BRINP3: variants seen among roughly 807,000 people sequenced by gnomAD.
BRINP3 encodes the protein BMP/retinoic acid-inducible neural-specific protein 3.
A neutral mutation model predicts 71.0 loss-of-function variants in BRINP3; 19 were observed. That is an observed-to-expected ratio of 0.27 (90% CI 0.19 to 0.39). The LOEUF (loss-of-function observed/expected upper bound fraction) is 0.39. BRINP3 is among the 10% of genes least tolerant of loss of function. The pLI is 1.00. For synonymous variants in BRINP3, 380 were observed against 337.7 expected, an observed-to-expected ratio of 1.13 and a Z score of -1.37; for missense variants, 959 against 940.8, an observed-to-expected ratio of 1.02 and a Z score of -0.25.
chr1:190,118,505 G>A (rs1185257173), intron 7 of BRINP3, among the ~76,000 whole-genome samples: 4 of 152,012 alleles, frequency 2.6e-5, no homozygotes, highest in South Asian at 2.1e-4. Context: ...ATTAACTCAC[G>A]TCTCGCCTTT....
chr1:190,237,928 C>T (rs1558095556), intron 4 of BRINP3, among the ~76,000 whole-genome samples: 1 of 152,008 alleles, frequency 6.6e-6, no homozygotes, highest in Non-Finnish European at 1.5e-5. Flanking sequence ...TACATCTCAT[C>T]TGGACAACTA....
intron 2 of BRINP3, among the ~76,000 whole-genome samples, chr1:190,349,618 A>C (rs2102037529): frequency 6.6e-6 from 1 of 152,244 alleles, no homozygotes; most frequent in Admixed American, 6.5e-5. Context: ...TAGAATTTAT[A>C]ACAGCACAGT....
At chr1:190,234,637 C>T (rs374651130) in intron 4 of BRINP3, among the ~76,000 whole-genome samples, 160 bp from the exon 5 acceptor site, 45 of 152,230 alleles carry the variant, frequency 3.0e-4, no homozygotes, top group East Asian at 1.2e-3. Flanking sequence ...CTAAACATAG[C>T]GGAAAGCAGT....
intron 2 of BRINP3, among the ~76,000 whole-genome samples, chr1:190,355,614 T>G (rs1558211636): frequency 6.6e-6 from 1 of 151,932 alleles, no homozygotes; most frequent in African/African-American, 2.4e-5. Context: ...TTTTTCTTAA[T>G]TTTTTAATTT....
At chr1:190,468,683 G>T (rs1257922172) in intron 1 of BRINP3, among the ~76,000 whole-genome samples, 1 of 151,050 alleles carries the variant, frequency 6.6e-6, no homozygotes, top group Non-Finnish European at 1.5e-5. Context: ...TGATATAAAA[G>T]TTCTCAAACA....
chr1:190,426,830 G>A (rs766462018), intron 2 of BRINP3, among the ~76,000 whole-genome samples: 5 of 151,724 alleles, frequency 3.3e-5, no homozygotes, highest in East Asian at 3.9e-4. Context: ...CTGGATTAAC[G>A]GAACATTATT....
chr1:190,124,724 A>G (rs922691091), intron 7 of BRINP3, among the ~76,000 whole-genome samples: 15 of 152,238 alleles, frequency 9.9e-5, no homozygotes, highest in African/African-American at 3.6e-4. Context: ...AAAGCTTATC[A>G]GAAGGGGCAG....
intron 1 of BRINP3, among the ~76,000 whole-genome samples, chr1:190,457,131 C>T (rs1676046927): frequency 6.6e-6 from 1 of 152,024 alleles, no homozygotes; most frequent in African/African-American, 2.4e-5. Context: ...ACTCTAGAGC[C>T]AAACCGCTGA....
chr1:190,101,703 A>C (rs912873739), intron 7 of BRINP3, among the ~76,000 whole-genome samples: 4 of 152,174 alleles, frequency 2.6e-5, no homozygotes, highest in African/African-American at 9.7e-5. Flanking sequence ...TTCTTCCCTG[A>C]AACCAAAGAA....
At chr1:190,180,983 A>G (rs1002099498) in intron 6 of BRINP3, among the ~76,000 whole-genome samples, 2 of 152,096 alleles carry the variant, frequency 1.3e-5, no homozygotes, top group Non-Finnish European at 2.9e-5. Context: ...GTTATATACC[A>G]GTCAAGATCA....
chr1:190,277,715 A>G (rs1481159223), intron 3 of BRINP3, among the ~76,000 whole-genome samples: 1 of 151,772 alleles, frequency 6.6e-6, no homozygotes, highest in African/African-American at 2.4e-5. Context: ...CATATATTGA[A>G]TTATAATAAA....
At chr1:190,438,726 A>T (rs1245875782) in intron 2 of BRINP3, among the ~76,000 whole-genome samples, 1 of 151,900 alleles carries the variant, frequency 6.6e-6, no homozygotes, top group Non-Finnish European at 1.5e-5. Context: ...AAAAATGCAA[A>T]GGTGAACAGA....
intron 2 of BRINP3, among the ~76,000 whole-genome samples, chr1:190,381,116 C>G: frequency 6.6e-6 from 1 of 152,030 alleles, no homozygotes; most frequent in East Asian, 1.9e-4. Flanking sequence ...CTCCCTATAC[C>G]CCATGATATC....
intron 4 of BRINP3, among the ~76,000 whole-genome samples, chr1:190,257,034 G>C (rs1558116628): frequency 1.3e-5 from 2 of 152,178 alleles, no homozygotes; most frequent in Admixed American, 6.5e-5. Flanking sequence ...ATGTTGGCCT[G>C]ACTTGCTAGG....
chr1:190,162,297 C>T (rs1172905735), intron 6 of BRINP3, among the ~76,000 whole-genome samples: 1 of 151,528 alleles, frequency 6.6e-6, no homozygotes, highest in Non-Finnish European at 1.5e-5. Flanking sequence ...AATTCTCCTG[C>T]CTCAGCCTCC....
At chr1:190,397,951 A>T (rs1671684662) in intron 2 of BRINP3, among the ~76,000 whole-genome samples, 1 of 151,974 alleles carries the variant, frequency 6.6e-6, no homozygotes, top group African/African-American at 2.4e-5. Context: ...ATTTTGTTAA[A>T]ATGATACCAT....
At chr1:190,350,736 T>A (rs541621336) in intron 2 of BRINP3, among the ~76,000 whole-genome samples, 1 of 151,892 alleles carries the variant, frequency 6.6e-6, no homozygotes, top group East Asian at 1.9e-4. Flanking sequence ...GCAGGCAGGA[T>A]CCTGATGGCC....
intron 2 of BRINP3, among the ~76,000 whole-genome samples, chr1:190,398,302 C>T (rs1288927807): frequency 6.6e-6 from 1 of 151,896 alleles, no homozygotes; most frequent in African/African-American, 2.4e-5. Context: ...GTTTTAAAAC[C>T]TTCTCTGATA....
At chr1:190,155,491 A>G (rs1032018996) in intron 7 of BRINP3, among the ~76,000 whole-genome samples, 3 of 152,092 alleles carry the variant, frequency 2.0e-5, no homozygotes, top group Non-Finnish European at 4.4e-5. Context: ...TTTTACCAAC[A>G]CTTCATTAAA....
Sources: gnomAD v4.1 joint callset for allele counts (sites outside exome capture counted in the v4.1 genomes callset) on GRCh38, gnomAD v4.1.1 for gene constraint, MANE v1.5 for transcripts, NCBI Gene and HGNC (gene_info 2026-07-23, HGNC 2026-07-21) for gene names.